Variants in HDAC4 observed in about 807,000 individuals in gnomAD.
The protein encoded by HDAC4 is histone deacetylase 4.
HDAC4 carries 16 observed loss-of-function variants against 135.1 expected under a neutral mutation model. The observed-to-expected ratio is 0.12, with a 90% CI of 0.08 to 0.18. The LOEUF (loss-of-function observed/expected upper bound fraction) is 0.18, where lower values mean the gene tolerates loss of function less well. HDAC4 is among the 10% of genes least tolerant of loss of function. The probability of loss-of-function intolerance (pLI) is 1.00; values close to 1 mark genes in which losing one functional copy is unlikely to be tolerated. For synonymous variants in HDAC4, 685 were observed against 653.4 expected (o/e 1.05, Z -0.74); for missense variants, 1,143 against 1,511.8 (o/e 0.76, Z 4.05).
At chr2:239,059,886 C>T (rs546534319) in intron 24 of HDAC4, among the ~76,000 whole-genome samples, 1 of 151,888 alleles carries the variant, frequency 6.6e-6, no homozygotes, top group Non-Finnish European at 1.5e-5. Flanking sequence ...GCCTGCAGGA[C>T]AGTCCTCTGG....
Position 239,115,310 on chromosome 2 carries a change from T to A in HDAC4, c.1534A>T (p.Ile512Phe). The A allele has an allele frequency of 6.2e-7, 1 of 1,613,076 alleles. No homozygotes were observed. The highest frequency in any genetic ancestry group is 2.2e-5 in the East Asian group (1 of 44,854). ...FQQQQLQMNK[I>F]IPKPSEPARQ... is the part of the protein sequence containing the mutation. ...GCTGGCTCGCTTGGCTTGGGGATGA[T>A]CTGCAAGGCGGAGGTAACACATGAA... is the stretch of plus-strand genomic sequence containing the variant. Residue 512 changes from isoleucine to phenylalanine, a missense_variant and splice_region_variant, in exon 13 of 27, where the codon ATC becomes TTC. By Grantham distance (21) the Ile-to-Phe change is conservative (BLOSUM62 0). Around this residue, in one of 9 missense-constraint regions of HDAC4, gnomAD observed 196 missense variants for 210.7 expected, o/e 0.93. Coordinates refer to ENST00000543185, the MANE Select transcript of HDAC4 (RefSeq NM_001378414.1). The surrounding 1 kb of genome is among the most constrained non-coding windows in gnomAD (Gnocchi z 6.3).
chr2:239,171,000 C>T (rs1295878864), intron 5 of HDAC4, among the ~76,000 whole-genome samples: 1 of 152,202 alleles, frequency 6.6e-6, no homozygotes, highest in Non-Finnish European at 1.5e-5. Context: ...CCAGACCTGA[C>T]TGCATTCAGA....
chr2:239,273,833 T>C (rs2050196472), intron 2 of HDAC4, among the ~76,000 whole-genome samples: 1 of 152,234 alleles, frequency 6.6e-6, no homozygotes, highest in African/African-American at 2.4e-5. Flanking sequence ...AGTGGCCCAT[T>C]AGAACCCACG....
At chr2:239,080,583 G>A (rs1281429486) in intron 22 of HDAC4, among the ~76,000 whole-genome samples, 3 of 13,406 alleles carry the variant, frequency 2.2e-4, no homozygotes, top group African/African-American at 7.2e-4. Context: ...CAAACACTGC[G>A]TCTTTAAACG....
rs370963321 is a variant in HDAC4, at chr2:239,134,419, C to T, written c.1120G>A (p.Glu374Lys). 2.5e-4 allele frequency: 402 copies of T among 1,613,186 alleles called. 10 individuals are homozygous for T. In the South Asian group the frequency reaches 4.0e-3, roughly 16 times the overall value. ...SAGTAGQQDA[E>K]RLTLPALQQR... ...TGGAGGGCGGGAAGGGTGAGTCTCT[C>T]GGCGTCCTGCTGGCCCGCCGTGCCC... Residue 374 changes from glutamate (E) to lysine (K), a missense_variant, in exon 11 of 27, where the codon GAG becomes AAG. Glu to Lys is a moderately conservative substitution (Grantham distance 56). Coordinates refer to ENST00000543185, the MANE Select transcript of HDAC4 (RefSeq NM_001378414.1).
intron 5 of HDAC4, among the ~76,000 whole-genome samples, chr2:239,169,397 A>T (rs867023997): frequency 6.6e-6 from 1 of 152,342 alleles, no homozygotes. Flanking sequence ...CACAGGCCAG[A>T]CAAGTCAAAG....
At chr2:239,197,880 T>TGTGTGTGTGTGTGC (rs939022638) in intron 3 of HDAC4, among the ~76,000 whole-genome samples, 10 of 150,360 alleles carry the variant, frequency 6.7e-5, no homozygotes, top group Non-Finnish European at 1.5e-4. Context: ...TGTGTGTGTG[T>TGTGTGTGTGTGTGC]GTGCTGAGTG....
chr2:239,245,524 G>T lies in HDAC4; in HGVS notation c.23-8860C>A, dbSNP rs973545289. ...TCTGCTGAGTGTGATAATGGGGTTG[G>T]ATCTGTTAGAAACACACATTCAAGT... On this transcript the variant is annotated intron_variant, in intron 2 of 26. Coordinates refer to ENST00000543185, the MANE Select transcript of HDAC4 (RefSeq NM_001378414.1). This position sits in a 1 kb window ranked among gnomAD's most constrained non-coding sequence, Gnocchi z 4.4. 1.3e-5 allele frequency among the ~76,000 whole-genome samples: 2 copies of T among 152,148 alleles called. No individual in the cohort carries two copies. The highest frequency in any genetic ancestry group is 4.8e-5 in the African/African-American group (2 of 41,438).
intron 2 of HDAC4, among the ~76,000 whole-genome samples, chr2:239,241,471 C>T (rs1330082837): frequency 2.0e-5 from 3 of 152,032 alleles, no homozygotes; most frequent in Non-Finnish European, 4.4e-5. Context: ...GTTTTTTGCC[C>T]CCAGTTGGGT....
At chr2:239,089,965 G>T in intron 18 of HDAC4, 44 bp downstream of exon 18, 1 of 1,402,300 alleles carries the variant, frequency 7.1e-7, no homozygotes, top group Non-Finnish European at 1.0e-6. Context: ...GGGAATCTAT[G>T]GCAGGCCTCC....
intron 1 of HDAC4, among the ~76,000 whole-genome samples, chr2:239,376,682 G>C (rs1206568244): frequency 6.6e-6 from 1 of 152,208 alleles, no homozygotes; most frequent in Admixed American, 6.5e-5. Flanking sequence ...TGTTAGTTCA[G>C]ACCGTGTGTT....
rs903332731 is a variant in HDAC4 at position 239,067,490 on chromosome 2, C to T, written c.2870-635G>A. Among the ~76,000 whole-genome samples, 6 of 152,370 alleles carry T rather than the reference C, an allele frequency of 3.9e-5. No individual in the cohort carries two copies. The East Asian group carries it at 7.7e-4, about 20-fold the overall frequency. On this transcript the variant is annotated intron_variant, in intron 23 of 26. Coordinates refer to ENST00000543185, the MANE Select transcript of HDAC4 (RefSeq NM_001378414.1). ...GCGAGGCCGTAACTTCCCAAAGCCT[C>T]GGTTCATCCCATCTGATGGAAACAG...
chr2:239,377,117 C>T (rs2126035813), intron 1 of HDAC4, among the ~76,000 whole-genome samples: 1 of 152,294 alleles, frequency 6.6e-6, no homozygotes, highest in South Asian at 2.1e-4. Flanking sequence ...AGATGCTGTC[C>T]TCCCAAAGCC....
intron 2 of HDAC4, among the ~76,000 whole-genome samples, chr2:239,269,232 C>T (rs2049921830): frequency 6.6e-6 from 1 of 151,170 alleles, no homozygotes. Context: ...CACCCACATA[C>T]ATTCACACAT....
intron 4 of HDAC4, among the ~76,000 whole-genome samples, chr2:239,188,127 C>A (rs986068121): frequency 2.6e-5 from 4 of 152,186 alleles, no homozygotes; most frequent in Admixed American, 2.6e-4. Flanking sequence ...GGGCCGAGTA[C>A]AGAGCTCTCC....
chr2:239,335,510 A>T (rs916577415), intron 2 of HDAC4, among the ~76,000 whole-genome samples: 1 of 73,148 alleles, frequency 1.4e-5, no homozygotes, highest in Non-Finnish European at 2.3e-5. Context: ...CTGTTCAGCA[A>T]AAAAAAAAAA....
chr2:239,270,230 C>G (rs778680385), intron 2 of HDAC4, among the ~76,000 whole-genome samples: 4 of 152,098 alleles, frequency 2.6e-5, no homozygotes, highest in Non-Finnish European at 5.9e-5. Flanking sequence ...TGTCCACATC[C>G]GTATGTGTAA....
intron 22 of HDAC4, among the ~76,000 whole-genome samples, chr2:239,077,941 G>C (rs756996076): frequency 1.2e-4 from 19 of 152,292 alleles, no homozygotes; most frequent in Non-Finnish European, 2.4e-4. Context: ...ATGCCAATTC[G>C]TGAAGCTATC....
At chr2:239,224,216 G>A (rs566896791) in intron 3 of HDAC4, among the ~76,000 whole-genome samples, 165 of 152,240 alleles carry the variant, frequency 1.1e-3, no homozygotes, top group African/African-American at 3.8e-3. Context: ...TCCCATCTAC[G>A]TCAGATATCT....
Sources: gnomAD v4.1 joint callset for allele counts (sites outside exome capture counted in the v4.1 genomes callset) on GRCh38, gnomAD v4.1.1 for gene constraint, gnomAD v4.1.1 regional missense constraint, Gnocchi (gnomAD v3.1) non-coding constraint, MANE v1.5 for transcripts, NCBI Gene and HGNC (gene_info 2026-07-23, HGNC 2026-07-21) for gene names.